The following SPON1 variants were observed in gnomAD, a reference collection of about 807,000 sequenced individuals.
The protein encoded by SPON1 is spondin-1.
SPON1 carries 52 observed loss-of-function variants against 111.7 expected under a neutral mutation model. The ratio of observed to expected loss-of-function variants is 0.47; its 90% confidence interval spans 0.37 to 0.59. The LOEUF (loss-of-function observed/expected upper bound fraction) is 0.59, where lower values mean the gene tolerates loss of function less well. SPON1 is among the 20% of genes least tolerant of loss of function. The probability of loss-of-function intolerance (pLI) is 0.00; values close to 1 mark genes in which losing one functional copy is unlikely to be tolerated. For synonymous variants in SPON1, 410 were observed against 395.8 expected, an observed-to-expected ratio of 1.04 and a Z score of -0.43; for missense variants, 957 against 1,068.5, an observed-to-expected ratio of 0.90 and a Z score of 1.46.
intron 5 of SPON1, among the ~76,000 whole-genome samples, chr11:14,134,194 G>C: frequency 6.6e-6 from 1 of 152,296 alleles, no homozygotes; most frequent in South Asian, 2.1e-4. Context: ...GCCTGAAAAT[G>C]TTATTTAACT....
intron 6 of SPON1, among the ~76,000 whole-genome samples, chr11:14,168,813 C>G (rs1287178316): frequency 6.6e-6 from 1 of 152,164 alleles, no homozygotes; most frequent in African/African-American, 2.4e-5. Flanking sequence ...CATCCACGTC[C>G]CTACGAAGGA....
chr11:14,161,235 ATT>A (rs1554931254), intron 6 of SPON1, among the ~76,000 whole-genome samples: 3 of 99,062 alleles, frequency 3.0e-5, no homozygotes, highest in African/African-American at 1.1e-4. Context: ...ATATTTATAT[ATT>A]TATATATCTA....
At chr11:13,995,880 T>A (rs1554911743) in intron 2 of SPON1, among the ~76,000 whole-genome samples, 11 of 152,218 alleles carry the variant, frequency 7.2e-5, no homozygotes. Context: ...TATTGCAGCC[T>A]GCTAGATGCT....
At position 14,267,207 on chromosome 11, in the gene SPON1, G is replaced by C. The variant is rs1042630189; in HGVS notation, c.*1520G>C. The C allele has an allele frequency of 3.3e-5, 5 of 152,112 alleles. No homozygotes were observed. The highest frequency in any genetic ancestry group is 5.9e-5 in the Non-Finnish European group (4 of 68,010). 9.4% of individuals were successfully genotyped at this position (152,112 alleles called of 1,614,324 possible). A position where few individuals can be genotyped will look rare whatever the true frequency, so the allele number is the denominator to read the frequency against. Reference sequence around the variant, plus strand: ...AGAGACTATTCAATAAAAACTCACTGGGTCTTTCATGTCTTTAAGCTAAGT... The same window carrying C: ...AGAGACTATTCAATAAAAACTCACTCGGTCTTTCATGTCTTTAAGCTAAGT... On this transcript the variant is annotated 3_prime_UTR_variant, in exon 16 of 16. Transcript: ENST00000576479.
At position 14,142,970 on chromosome 11, in the gene SPON1, G is replaced by A. The variant is rs560863793; in HGVS notation, c.825+7402G>A. ...GGTGGTCTTTTCCATGCCCTTCCAT[G>A]CAAATCTCTCCCCGACTATTTCTCA... On this transcript the variant is annotated intron_variant, in intron 6 of 15. Coordinates refer to ENST00000576479, the MANE Select transcript of SPON1 (RefSeq NM_006108.4). Among the ~76,000 whole-genome samples the A allele has an allele frequency of 8.5e-5, 13 of 152,270 alleles. 1 individual carries two copies. Among genetic ancestry groups the A allele is most frequent in the African/African-American group, 2.9e-4 (12 of 41,548 alleles).
chr11:14,069,334 T>C (rs1848857031), intron 3 of SPON1, among the ~76,000 whole-genome samples: 1 of 152,132 alleles, frequency 6.6e-6, no homozygotes, highest in Admixed American at 6.6e-5. Context: ...AAATAAAATA[T>C]CTTATGCTTA....
At chr11:14,248,764 T>C (rs1849022127) in intron 7 of SPON1, among the ~76,000 whole-genome samples, 1 of 152,190 alleles carries the variant, frequency 6.6e-6, no homozygotes, top group East Asian at 1.9e-4. Flanking sequence ...TGACCTACTT[T>C]GCAAGGTCCT....
At chr11:14,134,294 G>A (rs1331851356) in intron 5 of SPON1, among the ~76,000 whole-genome samples, 2 of 152,158 alleles carry the variant, frequency 1.3e-5, no homozygotes, top group Admixed American at 6.5e-5. Context: ...AATAATAAAT[G>A]TATATGCATC....
chr11:14,012,680 C>T (rs1324081073), intron 2 of SPON1, among the ~76,000 whole-genome samples: 1 of 152,174 alleles, frequency 6.6e-6, no homozygotes, highest in Non-Finnish European at 1.5e-5. Context: ...CATCCCAACA[C>T]CTAGTAGAAG....
intron 9 of SPON1, among the ~76,000 whole-genome samples, 194 bp downstream of exon 9, chr11:14,255,981 C>A (rs1288457086): frequency 6.6e-6 from 1 of 152,252 alleles, no homozygotes; most frequent in East Asian, 1.9e-4. Context: ...GCACTGTAGC[C>A]CATGCCTGTA....
At position 14,057,831 on chromosome 11, in the gene SPON1, C is replaced by CAAAAAA. The variant is rs782306609; in HGVS notation, c.479+16184_479+16189dup. Among the ~76,000 whole-genome samples, 14 of 100,590 alleles carry CAAAAAA rather than the reference C, an allele frequency of 1.4e-4. 1 individual carries two copies. The South Asian group carries it at 3.6e-3, about 26-fold the overall frequency. 66.0% of individuals were successfully genotyped at this position (100,590 alleles called of 152,430 possible). ...AAAACGTAGTGAGACCTTGTCTCTA[C>CAAAAAA]AAAAAAAAAAAACAAAACAAAAACT... On this transcript the variant is annotated intron_variant, in intron 3 of 15. Coordinates refer to ENST00000576479, the MANE Select transcript of SPON1 (RefSeq NM_006108.4).
At chr11:14,180,828 T>G (rs1564925384) in intron 6 of SPON1, among the ~76,000 whole-genome samples, 1 of 152,340 alleles carries the variant, frequency 6.6e-6, no homozygotes, top group East Asian at 1.9e-4. Flanking sequence ...CATCTTGATT[T>G]TCTTTGATCT....
chr11:14,058,322 G>T (rs190253503), intron 3 of SPON1, among the ~76,000 whole-genome samples: 173 of 152,252 alleles, frequency 1.1e-3, no homozygotes, highest in Non-Finnish European at 2.2e-3. Flanking sequence ...GAGCTGAGCA[G>T]GATGCAGCCT....
At chr11:14,019,177 G>C (rs1848463751) in intron 2 of SPON1, among the ~76,000 whole-genome samples, 1 of 152,122 alleles carries the variant, frequency 6.6e-6, no homozygotes, top group African/African-American at 2.4e-5. Context: ...TGGAGTCTGA[G>C]ACCAGACTGC....
rs375533885 is a variant in SPON1, at chr11:14,051,266, G to A, written c.479+9612G>A. On this transcript the variant is annotated intron_variant, in intron 3 of 15. Transcript: ENST00000576479. ...AAAGACACACAGGGAGAGATGTGGTGGCTCACACCTGTAGTCCCAACACTT... is the reference window on the plus strand; with the variant it reads ...AAAGACACACAGGGAGAGATGTGGTAGCTCACACCTGTAGTCCCAACACTT... Among the ~76,000 whole-genome samples, 139 of 152,314 alleles carry A rather than the reference G, an allele frequency of 9.1e-4. 3 individuals are homozygous for A. The South Asian group carries it at 0.027, about 30-fold the overall frequency.
intron 5 of SPON1, among the ~76,000 whole-genome samples, chr11:14,116,269 A>C (rs1302840235): frequency 1.3e-5 from 2 of 151,922 alleles, no homozygotes; most frequent in Non-Finnish European, 2.9e-5. Flanking sequence ...TTTTTTGTTC[A>C]TGATTAGCAC....
At chr11:14,030,261 C>G (rs1315888681) in intron 2 of SPON1, among the ~76,000 whole-genome samples, 2 of 152,230 alleles carry the variant, frequency 1.3e-5, no homozygotes, top group Admixed American at 1.3e-4. Context: ...ATTAGCCTGC[C>G]CAGGGCGCCT....
At chr11:14,007,280 T>C (rs1848369721) in intron 2 of SPON1, among the ~76,000 whole-genome samples, 2 of 152,298 alleles carry the variant, frequency 1.3e-5, no homozygotes, top group East Asian at 3.9e-4. Flanking sequence ...GAGATATATA[T>C]GTGAATTTAT....
At chr11:14,061,230 A>G (rs1554919839) in intron 3 of SPON1, among the ~76,000 whole-genome samples, 1 of 152,240 alleles carries the variant, frequency 6.6e-6, no homozygotes, top group Non-Finnish European at 1.5e-5. Flanking sequence ...CTATTGTACC[A>G]TGTCTTTAGC....
Sources: gnomAD v4.1 joint callset for allele counts (sites outside exome capture counted in the v4.1 genomes callset) on GRCh38, gnomAD v4.1.1 for gene constraint, MANE v1.5 for transcripts, NCBI Gene and HGNC (gene_info 2026-07-23, HGNC 2026-07-21) for gene names.